TTI1: variants seen among roughly 807,000 people sequenced by gnomAD.
TTI1 encodes TELO2 interacting protein 1.
TTI1 carries 52 observed loss-of-function variants against 85.4 expected under a neutral mutation model. The ratio of observed to expected loss-of-function variants is 0.61; its 90% CI spans 0.49 to 0.77. The LOEUF (loss-of-function observed/expected upper bound fraction) is 0.77, where lower values mean the gene tolerates loss of function less well. Ranked by LOEUF, TTI1 falls within the 30% of genes least tolerant of loss-of-function variation. The pLI, the probability that TTI1 is intolerant of heterozygous loss-of-function variation, is 0.00. For missense variants in TTI1, 1,173 were observed against 1,296.0 expected (o/e 0.91, Z 1.46); for synonymous variants, 512 against 503.9 (o/e 1.02, Z -0.22).
At chr20:38,029,378 G>A (rs1013859516) in intron 1 of TTI1, among the ~76,000 whole-genome samples, 6 of 151,918 alleles carry the variant, frequency 3.9e-5, no homozygotes, top group Non-Finnish European at 7.4e-5. Flanking sequence ...AACGAAAAAG[G>A]TAAACTCCTA....
At position 37,983,612 on chromosome 20, in the gene TTI1, G is replaced by T; in HGVS notation, c.3114C>A (p.Asp1038Glu). Residue 1038 changes from aspartate to glutamate, a missense_variant, in exon 8 of 8, where the codon GAC becomes GAA. Transcript: ENST00000373447. ...RSVFLHLMKV[D>E]PDSTWFLLNE... ...TCAGGAGGAACCAGGTGGAGTCTGG[G>T]TCCACCTTCATCAAGTGGAGGAAGA... 1 of 1,543,874 alleles carries T rather than the reference G, an allele frequency of 6.5e-7. No individual in the cohort carries two copies. Among genetic ancestry groups the T allele is most frequent in the Non-Finnish European group, 8.7e-7 (1 of 1,143,884 alleles).
In TTI1 at chr20:38,012,523, G is replaced by C. The variant is rs2073614121; in HGVS notation, c.1294C>G (p.Leu432Val). Residue 432 changes from leucine to valine, a missense_variant, in exon 2 of 8, where the codon CTC (leucine) becomes GTC (valine). Leu to Val is a conservative substitution (Grantham distance 32). Transcript: ENST00000373447. Reference sequence around the variant, plus strand: ...ACGTCTAGCTCTAGAACTTGGATGAGTGCTTTGGAAAGCCGCTGGAGATGG... The same window carrying C: ...ACGTCTAGCTCTAGAACTTGGATGACTGCTTTGGAAAGCCGCTGGAGATGG... Reference protein sequence around the residue: ...VAHLQRLSKALIQVLELDVAD... With the variant: ...VAHLQRLSKAVIQVLELDVAD... The C allele has an allele frequency of 1.9e-6, 3 of 1,614,060 alleles. No homozygotes were observed. The highest frequency in any genetic ancestry group is 1.3e-5 in the African/African-American group (1 of 74,914).
At chr20:38,010,890 G>C (rs1284967977) in intron 2 of TTI1, among the ~76,000 whole-genome samples, 1 of 152,210 alleles carries the variant, frequency 6.6e-6, no homozygotes, top group African/African-American at 2.4e-5. Flanking sequence ...GAAGTTTCTA[G>C]ACCTGCTCTG....
At chr20:38,003,190 T>C (rs1239175597) in intron 3 of TTI1, among the ~76,000 whole-genome samples, 2 of 152,194 alleles carry the variant, frequency 1.3e-5, no homozygotes, top group Admixed American at 6.5e-5. Flanking sequence ...CTCCAATTCC[T>C]GGGCTCAAGC....
intron 4 of TTI1, among the ~76,000 whole-genome samples, chr20:38,000,237 G>A (rs1428591686): frequency 6.6e-6 from 1 of 152,182 alleles, no homozygotes; most frequent in Non-Finnish European, 1.5e-5. Context: ...GCACGCGGGA[G>A]GAGAAAGTTG....
chr20:38,027,929 AAAAG>A (rs1013010064), intron 1 of TTI1, among the ~76,000 whole-genome samples: 3 of 152,232 alleles, frequency 2.0e-5, no homozygotes, highest in African/African-American at 4.8e-5. Flanking sequence ...ATCTCAAAAA[AAAAG>A]AAAGAAAGAA....
chr20:37,986,943 C>T, intron 7 of TTI1: 1 of 339,076 alleles, frequency 2.9e-6, no homozygotes, highest in South Asian at 2.3e-5. Flanking sequence ...CTAATTTCGC[C>T]CATTATTTTC....
Position 38,025,520 on chromosome 20 carries a change from G to A in TTI1, c.-42+7884C>T, listed in dbSNP as rs561984592. ...GAAGGTGGAGGTTGCAGTGAGCAGA[G>A]ATTGTGGCATGGCACTCCAGCCTGG... is the stretch of plus-strand genomic sequence containing the variant. On this transcript the variant is annotated intron_variant, in intron 1 of 7. Coordinates refer to ENST00000373447, the MANE Select transcript of TTI1 (RefSeq NM_001303457.2). Among the ~76,000 whole-genome samples, 16 of 151,748 alleles carry A rather than the reference G, an allele frequency of 1.1e-4. No homozygotes were observed. In the South Asian group the frequency reaches 3.1e-3, roughly 30 times the overall value.
rs767299125 is a variant in TTI1 at position 38,013,588 on chromosome 20, A to T, written c.229T>A (p.Cys77Ser). ...GTTGAAGAAAGGACAAATGTGAGGCATTCCACCACACTTTGGATCAAACGC... is the reference window on the plus strand; with the variant it reads ...GTTGAAGAAAGGACAAATGTGAGGCTTTCCACCACACTTTGGATCAAACGC... ...RERLIQSVVE[C>S]LTFVLSSTCV... Residue 77 changes from cysteine to serine, a missense_variant, in exon 2 of 8, where the codon TGC becomes AGC. By Grantham distance (112) the Cys-to-Ser change is moderately radical. Transcript: ENST00000373447. 26 of 1,614,126 alleles carry T rather than the reference A, an allele frequency of 1.6e-5. No individual in the cohort carries two copies. The highest frequency in any genetic ancestry group is 2.2e-5 in the Non-Finnish European group (26 of 1,180,042).
chr20:38,021,893 T>C (rs536297879), intron 1 of TTI1, among the ~76,000 whole-genome samples: 14 of 152,312 alleles, frequency 9.2e-5, no homozygotes, highest in Admixed American at 3.9e-4. Context: ...TACAGATACT[T>C]AGATCCCAAG....
In TTI1 at chr20:37,999,330, T is replaced by C; in HGVS notation, c.2653-2A>G. 7.1e-7 allele frequency: 1 copy of C among 1,403,686 alleles called. No individual in the cohort carries two copies. The highest frequency in any genetic ancestry group is 9.3e-7 in the Non-Finnish European group (1 of 1,069,696). The allele number at this position is 1,403,686 out of a possible 1,614,324, so 87.0% of individuals were successfully genotyped here. On this transcript the variant is annotated splice_acceptor_variant, in intron 4 of 7. Coordinates refer to ENST00000373447, the MANE Select transcript of TTI1 (RefSeq NM_001303457.2). LOFTEE classifies it high-confidence loss of function. Reference sequence around the variant, plus strand: ...ACACAGATCCAGCACATCCAAGACCTGAAAGAGACACGATTTCAGCAGATG... The same window carrying C: ...ACACAGATCCAGCACATCCAAGACCCGAAAGAGACACGATTTCAGCAGATG...
At chr20:37,988,490 G>A (rs550417171) in intron 7 of TTI1, among the ~76,000 whole-genome samples, 1 of 152,358 alleles carries the variant, frequency 6.6e-6, no homozygotes, top group Admixed American at 6.5e-5. Context: ...GCCCAGTGAA[G>A]CTAAATAAAC....
chr20:38,006,437 C>T (rs781363805), intron 2 of TTI1, 40 bp from the exon 3 acceptor site: 5 of 1,608,060 alleles, frequency 3.1e-6, no homozygotes, highest in Non-Finnish European at 3.4e-6. Flanking sequence ...TGGCTATTAA[C>T]AACAGGCATG....
chr20:38,012,485 C>A lies in TTI1; in HGVS notation c.1332G>T (p.Lys444Asn). ...AGTTCCAACGCCGTTCCTCAACAAT[C>A]TTGATGTCAGCCACGTCTAGCTCTA... Reference protein sequence around the residue: ...QVLELDVADIKIVEERRWNSD... With the variant: ...QVLELDVADINIVEERRWNSD... Residue 444 changes from lysine (K) to asparagine (N), a missense_variant, in exon 2 of 8, where the codon AAG becomes AAT. Lys to Asn is a moderately conservative substitution (Grantham distance 94). Transcript: ENST00000373447. 1.2e-6 allele frequency: 2 copies of A among 1,614,166 alleles called. No individual in the cohort carries two copies. Among genetic ancestry groups the A allele is most frequent in the East Asian group, 2.2e-5 (1 of 44,882 alleles).
At chr20:37,986,024 TTA>T (rs1244636503) in intron 7 of TTI1, among the ~76,000 whole-genome samples, 1 of 152,182 alleles carries the variant, frequency 6.6e-6, no homozygotes, top group Non-Finnish European at 1.5e-5. Context: ...TCTTTGATAA[TTA>T]GAGTGGCAAG....
At chr20:38,030,243 G>A (rs890042622) in intron 1 of TTI1, among the ~76,000 whole-genome samples, 5 of 151,546 alleles carry the variant, frequency 3.3e-5, no homozygotes, top group Middle Eastern at 3.4e-3. Flanking sequence ...GAGGGAGGAA[G>A]GAGGAAGGAG....
intron 1 of TTI1, among the ~76,000 whole-genome samples, chr20:38,025,812 TC>T (rs1318717499): frequency 6.6e-6 from 1 of 151,972 alleles, no homozygotes; most frequent in East Asian, 1.9e-4. Flanking sequence ...AAGAAAAACT[TC>T]AGTGGATGGG....
rs1443350974 is a variant in TTI1, at chr20:37,996,389, T to C, written c.3072A>G (p.Gln1024=). 6.2e-7 allele frequency: 1 copy of C among 1,614,130 alleles called. No homozygotes were observed. The highest frequency in any genetic ancestry group is 8.5e-7 in the Non-Finnish European group (1 of 1,180,006). ...GGCAGACGTACCTCCTGGCAGCCTC[T>C]TGTAATTTCACGGGCTGTTTGACAC... The part of the protein sequence containing the change: ...YLSVKQPVKL[Q]EAARSVFLHL... The change falls in exon 7 of 8, where the codon CAA becomes CAG. Residue 1024 remains glutamine, a synonymous_variant. Coordinates refer to ENST00000373447, the MANE Select transcript of TTI1 (RefSeq NM_001303457.2).
At chr20:37,985,972 G>A (rs1285422174) in intron 7 of TTI1, among the ~76,000 whole-genome samples, 1 of 152,176 alleles carries the variant, frequency 6.6e-6, no homozygotes, top group African/African-American at 2.4e-5. Context: ...GCAGAAAGAT[G>A]AGGCCTGCGT....
Sources: gnomAD v4.1 joint callset for allele counts (sites outside exome capture counted in the v4.1 genomes callset) on GRCh38, gnomAD v4.1.1 for gene constraint, MANE v1.5 for transcripts, NCBI Gene and HGNC (gene_info 2026-07-23, HGNC 2026-07-21) for gene names.